Variants in UGGT2 observed in about 807,000 individuals in gnomAD.
UGGT2 encodes the protein UDP-glucose glycoprotein glucosyltransferase 2.
In UGGT2, 180 loss-of-function variants were observed where a neutral mutation model predicts 192.1. The observed-to-expected ratio is 0.94, with a 90% CI of 0.83 to 1.06. UGGT2 has a LOEUF of 1.06. UGGT2 is among the 50% of genes least tolerant of loss of function. The probability of loss-of-function intolerance (pLI) is 0.00; values close to 1 mark genes in which losing one functional copy is unlikely to be tolerated. For missense variants in UGGT2, 1,849 were observed against 1,795.7 expected (o/e 1.03, Z -0.54); for synonymous variants, 580 against 591.0 (o/e 0.98, Z 0.27).
intron 2 of UGGT2, among the ~76,000 whole-genome samples, 166 bp from the exon 3 acceptor site, chr13:96,023,925 A>G (rs2052590308): frequency 2.0e-5 from 3 of 152,196 alleles, no homozygotes; most frequent in Admixed American, 2.0e-4. Flanking sequence ...TCTATAATCA[A>G]CTTCATTTTG....
At chr13:95,970,341 A>G (rs1386250575) in intron 11 of UGGT2, 79 bp from the exon 12 acceptor site, 15 of 1,328,002 alleles carry the variant, frequency 1.1e-5, no homozygotes, top group Non-Finnish European at 1.6e-5. Flanking sequence ...ATAGTCTTAA[A>G]GCATTAGAAA....
intron 9 of UGGT2, among the ~76,000 whole-genome samples, chr13:95,985,750 C>T (rs2051270565): frequency 6.6e-6 from 1 of 152,148 alleles, no homozygotes; most frequent in Admixed American, 6.6e-5. Context: ...TGGTAACTTG[C>T]ATTGCATGCA....
At chr13:95,978,227 A>T (rs1222571649) in intron 10 of UGGT2, among the ~76,000 whole-genome samples, 1 of 151,990 alleles carries the variant, frequency 6.6e-6, no homozygotes, top group Non-Finnish European at 1.5e-5. Context: ...AAAAAGAAAA[A>T]AGTCATTTTA....
At chr13:95,869,007 G>A (rs1890956112) in intron 29 of UGGT2, among the ~76,000 whole-genome samples, 2 of 151,424 alleles carry the variant, frequency 1.3e-5, no homozygotes, top group Admixed American at 6.6e-5. Context: ...TTAACATTAG[G>A]TATATCTCCT....
chr13:96,017,674 TG>T (rs1340441300), intron 4 of UGGT2, among the ~76,000 whole-genome samples: 24 of 152,356 alleles, frequency 1.6e-4, no homozygotes, highest in Admixed American at 9.1e-4. Context: ...GTACAATAAA[TG>T]TTTTTTTAAG....
At chr13:95,943,631 T>G (rs1379810942) in intron 15 of UGGT2, among the ~76,000 whole-genome samples, 1 of 152,052 alleles carries the variant, frequency 6.6e-6, no homozygotes, top group Non-Finnish European at 1.5e-5. Flanking sequence ...CAACTGATAT[T>G]AGTATACTGA....
chr13:95,893,709 A>G (rs966450900), intron 24 of UGGT2, among the ~76,000 whole-genome samples: 4 of 152,240 alleles, frequency 2.6e-5, no homozygotes, highest in South Asian at 2.1e-4. Context: ...ACTAAAGGTG[A>G]TAACTGTAAG....
chr13:96,011,383 T>G (rs915390680), intron 5 of UGGT2, among the ~76,000 whole-genome samples: 3 of 151,824 alleles, frequency 2.0e-5, no homozygotes, highest in African/African-American at 7.3e-5. Flanking sequence ...TTCTGAAAAC[T>G]AAACAAAAAA....
chr13:95,917,705 G>C (rs1240006842), intron 20 of UGGT2, among the ~76,000 whole-genome samples: 1 of 152,158 alleles, frequency 6.6e-6, no homozygotes. Context: ...TCAAAATAAA[G>C]AGATGGAGGA....
intron 20 of UGGT2, among the ~76,000 whole-genome samples, chr13:95,918,182 GT>G (rs1334596921): frequency 1.3e-5 from 2 of 151,746 alleles, no homozygotes; most frequent in African/African-American, 4.8e-5. Context: ...AATCGTAACA[GT>G]CTTTCAGACC....
intron 1 of UGGT2, among the ~76,000 whole-genome samples, chr13:96,036,631 G>A (rs915944375): frequency 6.6e-6 from 1 of 151,902 alleles, no homozygotes; most frequent in African/African-American, 2.4e-5. Flanking sequence ...AAGCACTTTT[G>A]GAACTCTTCT....
At chr13:96,037,869 T>C (rs539672013) in intron 1 of UGGT2, among the ~76,000 whole-genome samples, 2 of 152,232 alleles carry the variant, frequency 1.3e-5, no homozygotes, top group South Asian at 2.1e-4. Flanking sequence ...TAACGAACTA[T>C]ATAAAATAAA....
At chr13:95,879,815 T>A (rs2047441638) in intron 27 of UGGT2, among the ~76,000 whole-genome samples, 1 of 152,232 alleles carries the variant, frequency 6.6e-6, no homozygotes, top group Non-Finnish European at 1.5e-5. Flanking sequence ...CTTTATATTT[T>A]TATTTTCTGT....
At chr13:95,836,754 T>C (rs1385063450) in intron 37 of UGGT2, among the ~76,000 whole-genome samples, 2 of 152,232 alleles carry the variant, frequency 1.3e-5, no homozygotes, top group African/African-American at 4.8e-5. Context: ...GAAAGGACTC[T>C]TGGAATCTTG....
chr13:95,951,914 C>G (rs532720350), intron 12 of UGGT2, among the ~76,000 whole-genome samples: 29 of 152,048 alleles, frequency 1.9e-4, no homozygotes, highest in African/African-American at 6.3e-4. Context: ...AAAAATTAGC[C>G]AGGCATGGTG....
chr13:95,908,430 C>A (rs975203378), intron 20 of UGGT2, among the ~76,000 whole-genome samples: 1 of 152,038 alleles, frequency 6.6e-6, no homozygotes, highest in Non-Finnish European at 1.5e-5. Flanking sequence ...GAAGAACAAC[C>A]CCAAGACACA....
At chr13:96,024,529 G>T (rs2052607864) in intron 2 of UGGT2, among the ~76,000 whole-genome samples, 1 of 152,118 alleles carries the variant, frequency 6.6e-6, no homozygotes, top group African/African-American at 2.4e-5. Flanking sequence ...CTCTTCCCTG[G>T]GTGTAACCAT....
chr13:95,863,042 T>C (rs1010123471), intron 31 of UGGT2, among the ~76,000 whole-genome samples: 6 of 152,144 alleles, frequency 3.9e-5, no homozygotes, highest in African/African-American at 1.4e-4. Flanking sequence ...TTTAAATTTT[T>C]TGTAGATACA....
At chr13:95,963,764 A>G (rs2050478851) in intron 12 of UGGT2, among the ~76,000 whole-genome samples, 1 of 152,200 alleles carries the variant, frequency 6.6e-6, no homozygotes, top group South Asian at 2.1e-4. Flanking sequence ...AAAGAAATCA[A>G]AAGGGTAATC....
Sources: gnomAD v4.1 joint callset for allele counts (sites outside exome capture counted in the v4.1 genomes callset) on GRCh38, gnomAD v4.1.1 for gene constraint, MANE v1.5 for transcripts, NCBI Gene and HGNC (gene_info 2026-07-23, HGNC 2026-07-21) for gene names.